Variants in TCF25 observed in about 807,000 individuals in gnomAD.
TCF25 encodes the protein ribosome quality control complex subunit TCF25.
TCF25 carries 41 observed loss-of-function variants against 83.1 expected under a neutral mutation model. That is an observed-to-expected ratio of 0.49 (90% CI 0.38 to 0.64). The LOEUF (loss-of-function observed/expected upper bound fraction) is 0.64, where lower values mean the gene tolerates loss of function less well. Ranked by LOEUF, TCF25 falls within the 30% of genes least tolerant of loss-of-function variation. TCF25 has a pLI of 0.00. For missense variants in TCF25, 979 were observed against 914.5 expected (o/e 1.07, Z -0.91); for synonymous variants, 458 against 365.0 (o/e 1.25, Z -2.90).
chr16:89,888,004 G>A (rs111226959), intron 5 of TCF25, among the ~76,000 whole-genome samples: 6,434 of 152,244 alleles, frequency 0.042, 487 homozygotes, highest in African/African-American at 0.15. Flanking sequence ...CAGTGCTCAC[G>A]CCTGTAATCC....
intron 4 of TCF25, 143 bp downstream of exon 4, chr16:89,886,109 A>C: frequency 9.9e-6 from 7 of 704,458 alleles, no homozygotes; most frequent in East Asian, 2.8e-5. Flanking sequence ...GAAAAATAAA[A>C]TGTACTGTCT....
At chr16:89,892,575 G>A (rs1017613518) in intron 6 of TCF25, among the ~76,000 whole-genome samples, 1 of 152,242 alleles carries the variant, frequency 6.6e-6, no homozygotes, top group African/African-American at 2.4e-5. Context: ...CCCAGGCACA[G>A]TCTTTGTGTG....
intron 16 of TCF25, chr16:89,909,134 T>C (rs1248742952): frequency 3.9e-6 from 5 of 1,284,474 alleles, no homozygotes; most frequent in Non-Finnish European, 4.1e-6. Context: ...GGAAAACATA[T>C]TAATTTTAGA....
At chr16:89,878,272 C>G (rs1597257049) in intron 1 of TCF25, among the ~76,000 whole-genome samples, 2 of 149,042 alleles carry the variant, frequency 1.3e-5, no homozygotes, top group African/African-American at 5.0e-5. Context: ...AAAGTGAGAC[C>G]CTGTCTCAAA....
rs1428332158 is a variant in TCF25 at position 89,907,297 on chromosome 16, A to G, written c.1774A>G (p.Ile592Val). 20 of 1,612,568 alleles carry G rather than the reference A, an allele frequency of 1.2e-5. No individual in the cohort carries two copies. The highest frequency in any genetic ancestry group is 1.6e-5 in the Non-Finnish European group (19 of 1,179,310). The change falls in exon 16 of 18, where the codon ATC (isoleucine) becomes GTC (valine). Residue 592 changes from isoleucine (I) to valine (V), a missense_variant. Physicochemically the swap from Ile to Val is conservative, Grantham distance 29. Transcript: ENST00000263346. ...TGATCCTCTGCCTCCTTCGGACACA[A>G]TCTACTCCTACGTCAGGCCAGAGAG... ...GFDPLPPSDT[I>V]YSYVRPERLS...
Position 89,910,951 on chromosome 16 carries a change from C to G in TCF25, c.1873-129C>G, listed in dbSNP as rs995960205. 3.4e-5 allele frequency: 45 copies of G among 1,308,704 alleles called. No individual in the cohort carries two copies. The African/African-American group carries it at 6.5e-4, about 19-fold the overall frequency. The allele number at this position is 1,308,704 out of a possible 1,614,324, so 81.1% of individuals were successfully genotyped here. On this transcript the variant is annotated intron_variant, in intron 17 of 17. Coordinates refer to ENST00000263346, the MANE Select transcript of TCF25 (RefSeq NM_014972.3). Reference sequence around the variant, plus strand: ...TTGAGAGCTTCCTCCTCACAGGGACCTGGGGAGGGTTCAGGGTCCGGTGCT... The same window carrying G: ...TTGAGAGCTTCCTCCTCACAGGGACGTGGGGAGGGTTCAGGGTCCGGTGCT...
At chr16:89,907,159 G>T in intron 15 of TCF25, 84 bp from the exon 16 acceptor site, 1 of 1,330,250 alleles carries the variant, frequency 7.5e-7, no homozygotes. Flanking sequence ...GTCCATGCTG[G>T]AGTCGACAGA....
chr16:89,905,083 G>C lies in TCF25; in HGVS notation c.1615G>C (p.Ala539Pro). Residue 539 changes from alanine (A) to proline (P), a missense_variant, in exon 14 of 18, where the codon GCC becomes CCC. Physicochemically the swap from Ala to Pro is conservative, Grantham distance 27 (BLOSUM62 -1). Transcript: ENST00000263346. ...GGACGCCGGGGACCCAGCCGTGGAA[G>C]CCTGTGAGAACCGGTGAGCTAGGGG... The part of the protein sequence containing the change: ...AVDAGDPAVE[A>P]CENRRKVLYQ... 2 of 1,598,462 alleles carry C rather than the reference G, an allele frequency of 1.3e-6. No individual in the cohort carries two copies. Among genetic ancestry groups the C allele is most frequent in the Non-Finnish European group, 1.7e-6 (2 of 1,172,840 alleles).
chr16:89,903,585 C>T (rs1171770061), intron 12 of TCF25, among the ~76,000 whole-genome samples: 3 of 152,160 alleles, frequency 2.0e-5, no homozygotes, highest in African/African-American at 7.2e-5. Context: ...GCAGGTGGAT[C>T]ACCTGAGGTC....
intron 4 of TCF25, among the ~76,000 whole-genome samples, chr16:89,886,673 A>G (rs2043042100): frequency 6.6e-6 from 1 of 151,590 alleles, no homozygotes; most frequent in South Asian, 2.1e-4. Flanking sequence ...GAGGCCAGAA[A>G]ATTGCTTGAA....
chr16:89,874,127 CG>C (rs1408207728), intron 1 of TCF25, among the ~76,000 whole-genome samples: 2 of 88,282 alleles, frequency 2.3e-5, no homozygotes, highest in Non-Finnish European at 2.3e-5. Flanking sequence ...GGGGCGGGGC[CG>C]TGCTGTCGGG....
At position 89,887,725 on chromosome 16, in the gene TCF25, C is replaced by A; in HGVS notation, c.614+8C>A. ...AATCCTGGGGGAGCAAAGGTAAGGTCCACAGTGAGCTGCATTCTCACAGCT... is the reference window on the plus strand; with the variant it reads ...AATCCTGGGGGAGCAAAGGTAAGGTACACAGTGAGCTGCATTCTCACAGCT... On this transcript the variant is annotated splice_region_variant and intron_variant, in intron 5 of 17. Transcript: ENST00000263346. 6.4e-7 allele frequency: 1 copy of A among 1,564,772 alleles called. No homozygotes were observed. The highest frequency in any genetic ancestry group is 1.2e-5 in the South Asian group (1 of 83,454).
chr16:89,902,513 C>A (rs1187842582), intron 12 of TCF25, among the ~76,000 whole-genome samples: 1 of 140,196 alleles, frequency 7.1e-6, no homozygotes, highest in Non-Finnish European at 1.6e-5. Context: ...CACGGTGAAA[C>A]CACGTCTCTA....
At position 89,904,951 on chromosome 16, in the gene TCF25, C is replaced by G. The variant is rs770790428; in HGVS notation, c.1483C>G (p.Leu495Val). The G allele has an allele frequency of 6.2e-7, 1 of 1,607,412 alleles. No individual in the cohort carries two copies. The highest frequency in any genetic ancestry group is 2.2e-5 in the East Asian group (1 of 44,548). ...GCTCTCCCCCAGCCAGCCCCCTGCC[C>G]TGAGCCAGCTGGTGAACCTGTACCT... ...PNAEISQPPA[L>V]SQLVNLYLGR... Residue 495 changes from leucine (L) to valine (V), a missense_variant, in exon 14 of 18, where the codon CTG becomes GTG. By Grantham distance (32) the Leu-to-Val change is conservative. Coordinates refer to ENST00000263346, the MANE Select transcript of TCF25 (RefSeq NM_014972.3).
chr16:89,896,755 T>A (rs62052179), intron 9 of TCF25, among the ~76,000 whole-genome samples: 2 of 151,908 alleles, frequency 1.3e-5, no homozygotes, highest in East Asian at 3.9e-4. Flanking sequence ...GAGGTTTCAC[T>A]GTGTTGGCCA....
In TCF25 at chr16:89,898,795, A is replaced by G. The variant is rs777305556; in HGVS notation, c.1144A>G (p.Met382Val). The change falls in exon 11 of 18, where the codon ATG (methionine) becomes GTG (valine). Residue 382 changes from methionine (M) to valine (V), a missense_variant. Physicochemically the swap from Met to Val is conservative, Grantham distance 21. Coordinates refer to ENST00000263346, the MANE Select transcript of TCF25 (RefSeq NM_014972.3). ...CGAGCCGGATGAGGACCCCCTCTGC[A>G]TGCTGCTGCTCATCGACCACCTGGC... is the stretch of plus-strand genomic sequence containing the variant. ...SLEPDEDPLC[M>V]LLLIDHLALR... 7 of 1,613,794 alleles carry G rather than the reference A, an allele frequency of 4.3e-6. No homozygotes were observed. The highest frequency in any genetic ancestry group is 1.7e-5 in the Admixed American group (1 of 60,006).
At chr16:89,907,373 CAGT>C (rs776492053) in intron 16 of TCF25, 51 bp downstream of exon 16, 10,282 of 236,588 alleles carry the variant, frequency 0.043, 370 homozygotes, top group East Asian at 0.11. Context: ...TCCCTCCTCC[CAGT>C]TCCCAGCTCC....
At chr16:89,878,237 G>A (rs1430835255) in intron 1 of TCF25, among the ~76,000 whole-genome samples, 3 of 151,572 alleles carry the variant, frequency 2.0e-5, no homozygotes, top group South Asian at 2.1e-4. Context: ...GTGAGATGAC[G>A]CCACCGTACT....
At chr16:89,876,382 G>A (rs1351216755) in intron 1 of TCF25, among the ~76,000 whole-genome samples, 1 of 152,158 alleles carries the variant, frequency 6.6e-6, no homozygotes, top group Non-Finnish European at 1.5e-5. Context: ...CGACTAAATG[G>A]TTATGAATGT....
Sources: allele counts gnomAD v4.1 joint callset (sites outside exome capture counted in the v4.1 genomes callset), GRCh38; gene constraint gnomAD v4.1.1; transcripts MANE v1.5; gene names NCBI Gene and HGNC (gene_info 2026-07-23, HGNC 2026-07-21).